The following ADGRA3 variants were observed in gnomAD, a reference collection of about 807,000 sequenced individuals.
The protein encoded by ADGRA3 is G-protein coupled receptor 125.
ADGRA3 carries 56 observed loss-of-function variants against 119.8 expected under a neutral mutation model. The ratio of observed to expected loss-of-function variants is 0.47; its 90% CI spans 0.38 to 0.58. ADGRA3 has a LOEUF of 0.58. Ranked by LOEUF, ADGRA3 falls within the 20% of genes least tolerant of loss-of-function variation. The pLI is 0.00. For synonymous variants in ADGRA3, 607 were observed against 623.8 expected (o/e 0.97, Z 0.40); for missense variants, 1,516 against 1,649.0 (o/e 0.92, Z 1.40).
rs752950292 is a variant in ADGRA3, at chr4:22,413,338, T to A, written c.2076A>T (p.Arg692=). Residue 692 remains arginine (R), a synonymous_variant, in exon 14 of 19, where the codon CGA becomes CGT. Transcript: ENST00000334304. ...CAACAGCATCTGCTCCATGTGCAAT[T>A]CGACGCAGTGTCACATTAACAGGGA... is the stretch of plus-strand genomic sequence containing the variant. ...HHIPVNVTLR[R]IAHGADAVAA... is the part of the protein sequence containing the mutation. The A allele has an allele frequency of 6.2e-7, 1 of 1,614,124 alleles. No homozygotes were observed. The highest frequency in any genetic ancestry group is 1.1e-5 in the South Asian group (1 of 91,078).
At chr4:22,469,329 T>C (rs1717775675) in intron 2 of ADGRA3, among the ~76,000 whole-genome samples, 1 of 152,244 alleles carries the variant, frequency 6.6e-6, no homozygotes, top group African/African-American at 2.4e-5. Flanking sequence ...ACTAGACTGT[T>C]AAGTTACATG....
chr4:22,513,845 CAAA>C (rs59015584), intron 1 of ADGRA3, among the ~76,000 whole-genome samples: 17 of 31,476 alleles, frequency 5.4e-4, no homozygotes, highest in East Asian at 4.0e-3. Flanking sequence ...AGCTTTCAGG[CAAA>C]AAAAAAAAAA....
intron 2 of ADGRA3, among the ~76,000 whole-genome samples, chr4:22,462,813 C>G (rs1717514430): frequency 6.6e-6 from 1 of 152,190 alleles, no homozygotes; most frequent in South Asian, 2.1e-4. Context: ...CAGTGAATGT[C>G]TCAGCCACAT....
At chr4:22,512,758 T>C (rs1325379029) in intron 1 of ADGRA3, among the ~76,000 whole-genome samples, 1 of 152,202 alleles carries the variant, frequency 6.6e-6, no homozygotes, top group Non-Finnish European at 1.5e-5. Context: ...GCCCTGCTAA[T>C]AGATTGATTT....
chr4:22,499,696 G>C (rs1401131811), intron 1 of ADGRA3, among the ~76,000 whole-genome samples: 2 of 152,158 alleles, frequency 1.3e-5, no homozygotes, highest in Non-Finnish European at 2.9e-5. Context: ...TCAATCTCAA[G>C]AATGCAGCAG....
chr4:22,511,895 C>CTTTTTTTT (rs5856700), intron 1 of ADGRA3, among the ~76,000 whole-genome samples: 1,469 of 102,562 alleles, frequency 0.014, 8 homozygotes, highest in Non-Finnish European at 0.018. Flanking sequence ...TTCTTTCTTT[C>CTTTTTTTT]TTTTTTTTTT....
chr4:22,499,422 C>G (rs12648279), intron 1 of ADGRA3, among the ~76,000 whole-genome samples: 2 of 152,072 alleles, frequency 1.3e-5, no homozygotes, highest in African/African-American at 4.8e-5. Flanking sequence ...AAAACCAATG[C>G]GAATCCCCAC....
intron 1 of ADGRA3, among the ~76,000 whole-genome samples, chr4:22,498,065 C>T (rs1479189986): frequency 1.3e-5 from 2 of 149,306 alleles, no homozygotes; most frequent in African/African-American, 4.9e-5. Flanking sequence ...AAGTGGTGAA[C>T]CCCATCTCTA....
intron 1 of ADGRA3, among the ~76,000 whole-genome samples, chr4:22,485,370 T>A (rs1718403054): frequency 6.6e-6 from 1 of 152,188 alleles, no homozygotes; most frequent in South Asian, 2.1e-4. Context: ...CAGAGCTTTT[T>A]AACATTATAA....
chr4:22,485,966 C>T (rs563244028), intron 1 of ADGRA3, among the ~76,000 whole-genome samples: 22 of 152,292 alleles, frequency 1.4e-4, no homozygotes, highest in African/African-American at 5.1e-4. Flanking sequence ...GTTGCCACCC[C>T]CTATGGTTTC....
intron 4 of ADGRA3, among the ~76,000 whole-genome samples, chr4:22,450,255 T>C (rs1317506268): frequency 6.7e-6 from 1 of 149,542 alleles, no homozygotes. Context: ...CCCACCCCCA[T>C]CCTTTATGCT....
At chr4:22,494,911 G>A (rs1018667638) in intron 1 of ADGRA3, among the ~76,000 whole-genome samples, 3 of 151,876 alleles carry the variant, frequency 2.0e-5, no homozygotes, top group East Asian at 1.9e-4. Context: ...ACTTAAAACC[G>A]TGGATAGTAG....
At chr4:22,477,366 C>T (rs773742030) in intron 1 of ADGRA3, among the ~76,000 whole-genome samples, 1 of 152,008 alleles carries the variant, frequency 6.6e-6, no homozygotes, top group Non-Finnish European at 1.5e-5. Flanking sequence ...ATTTTTAAGA[C>T]AAAGAAAAAA....
chr4:22,469,766 C>A (rs1018197508), intron 2 of ADGRA3, among the ~76,000 whole-genome samples: 18 of 152,134 alleles, frequency 1.2e-4, no homozygotes, highest in African/African-American at 4.3e-4. Context: ...CTTTAAATTA[C>A]CTGAGACCTG....
chr4:22,401,285 G>T, intron 16 of ADGRA3, 146 bp downstream of exon 16: 1 of 636,098 alleles, frequency 1.6e-6, no homozygotes, highest in Non-Finnish European at 2.5e-6. Flanking sequence ...AAGTAAACTG[G>T]CAGATTGTTT....
chr4:22,429,277 C>CAG (rs1376621601), intron 10 of ADGRA3, among the ~76,000 whole-genome samples: 5 of 152,092 alleles, frequency 3.3e-5, no homozygotes, highest in African/African-American at 1.2e-4. Flanking sequence ...TCTAGAAGTA[C>CAG]AGAGGACTGA....
At chr4:22,444,912 A>G (rs1321596356) in intron 6 of ADGRA3, 61 bp downstream of exon 6, 1 of 1,547,964 alleles carries the variant, frequency 6.5e-7, no homozygotes, top group Non-Finnish European at 8.9e-7. Context: ...ATTTGTCAAG[A>G]AAAACATGGT....
intron 13 of ADGRA3, 60 bp downstream of exon 13, chr4:22,413,541 C>A (rs1338501132): frequency 4.7e-6 from 7 of 1,481,934 alleles, no homozygotes; most frequent in Middle Eastern, 1.8e-4. Context: ...TTTTTAGGAA[C>A]AGTCAACTAC....
chr4:22,493,553 A>G lies in ADGRA3; in HGVS notation c.258-19710T>C, dbSNP rs144758810. Among the ~76,000 whole-genome samples the G allele has an allele frequency of 3.3e-3, 498 of 152,270 alleles. 2 individuals are homozygous for G. Among genetic ancestry groups the G allele is most frequent in the Non-Finnish European group, 4.9e-3 (334 of 68,036 alleles). Reference sequence around the variant, plus strand: ...GGCAATACCTGCAGACTGGCATTAGATCCAAAGCAGAGACTCCCAACCTTT... The same window carrying G: ...GGCAATACCTGCAGACTGGCATTAGGTCCAAAGCAGAGACTCCCAACCTTT... On this transcript the variant is annotated intron_variant, in intron 1 of 18. Transcript: ENST00000334304.
Sources: gnomAD v4.1 joint callset for allele counts (sites outside exome capture counted in the v4.1 genomes callset) on GRCh38, gnomAD v4.1.1 for gene constraint, MANE v1.5 for transcripts, NCBI Gene and HGNC (gene_info 2026-07-23, HGNC 2026-07-21) for gene names.